Variants in SLC24A3 observed in about 807,000 individuals in gnomAD.
The protein encoded by SLC24A3 is sodium/potassium/calcium exchanger 3.
A neutral mutation model predicts 75.8 loss-of-function variants in SLC24A3; 28 were observed. The ratio of observed to expected loss-of-function variants is 0.37; its 90% CI spans 0.27 to 0.51. The LOEUF (loss-of-function observed/expected upper bound fraction) is 0.51. Ranked by LOEUF, SLC24A3 falls within the 20% of genes least tolerant of loss-of-function variation. The probability of loss-of-function intolerance (pLI) is 0.94; values close to 1 mark genes in which losing one functional copy is unlikely to be tolerated. For missense variants in SLC24A3, 663 were observed against 847.8 expected (o/e 0.78, Z 2.71); for synonymous variants, 372 against 334.1 (o/e 1.11, Z -1.24).
chr20:19,711,105 A>G (rs1600352623), intron 15 of SLC24A3, among the ~76,000 whole-genome samples: 1 of 149,912 alleles, frequency 6.7e-6, no homozygotes, highest in East Asian at 2.0e-4. Context: ...ACATAAACAC[A>G]TGCACACAGG....
intron 2 of SLC24A3, among the ~76,000 whole-genome samples, chr20:19,440,363 G>A (rs867790825): frequency 6.6e-6 from 1 of 152,168 alleles, no homozygotes; most frequent in Non-Finnish European, 1.5e-5. Flanking sequence ...AGACAGCTGG[G>A]GAGAGAGAAT....
chr20:19,452,312 C>T (rs1328057970), intron 2 of SLC24A3, among the ~76,000 whole-genome samples: 2 of 151,548 alleles, frequency 1.3e-5, no homozygotes, highest in African/African-American at 2.4e-5. Context: ...CTAATTATTA[C>T]AACTTGTTAA....
chr20:19,695,158 G>C (rs541815191), intron 13 of SLC24A3, among the ~76,000 whole-genome samples: 3 of 152,276 alleles, frequency 2.0e-5, no homozygotes, highest in African/African-American at 7.2e-5. Flanking sequence ...CATCTCTATG[G>C]ATTTCACTCA....
chr20:19,676,282 C>T (rs749613963), intron 9 of SLC24A3, among the ~76,000 whole-genome samples: 13 of 152,208 alleles, frequency 8.5e-5, no homozygotes, highest in Non-Finnish European at 1.2e-4. Flanking sequence ...ACATCCTCTC[C>T]TCTTCCCCAA....
In SLC24A3 at chr20:19,212,993, A is replaced by G. The variant is rs1981447546; in HGVS notation, c.142+9A>G. ...CCTGCGAGAGCAGAAGGGTGAGTGC[A>G]CGCTGCCTGCCCCGAGTGGGCGCTG... On this transcript the variant is annotated intron_variant, in intron 1 of 16. Coordinates refer to ENST00000328041, the MANE Select transcript of SLC24A3 (RefSeq NM_020689.4). 7.9e-7 allele frequency: 1 copy of G among 1,267,580 alleles called. No individual in the cohort carries two copies. Among genetic ancestry groups the G allele is most frequent in the Non-Finnish European group, 1.0e-6 (1 of 1,004,516 alleles). 78.5% of individuals were successfully genotyped at this position (1,267,580 alleles called of 1,614,324 possible). A position where few individuals can be genotyped will look rare whatever the true frequency, so the allele number is the denominator to read the frequency against.
rs183399641 is a variant in SLC24A3, at chr20:19,335,767, C to T, written c.271+54680C>T. Among the ~76,000 whole-genome samples the T allele has an allele frequency of 1.5e-3, 224 of 152,312 alleles. 4 individuals are homozygous for T. Among genetic ancestry groups the T allele is most frequent in the Non-Finnish European group, 6.9e-4 (47 of 68,024 alleles). Reference sequence around the variant, plus strand: ...ACACCTGTTTCTGAAAAGCATCCTGCATGATCAACAATTCATTTTAAATTG... The same window carrying T: ...ACACCTGTTTCTGAAAAGCATCCTGTATGATCAACAATTCATTTTAAATTG... On this transcript the variant is annotated intron_variant, in intron 2 of 16. Coordinates refer to ENST00000328041, the MANE Select transcript of SLC24A3 (RefSeq NM_020689.4).
At chr20:19,513,047 C>T (rs1221306268) in intron 2 of SLC24A3, among the ~76,000 whole-genome samples, 2 of 152,172 alleles carry the variant, frequency 1.3e-5, no homozygotes, top group Admixed American at 6.5e-5. Context: ...GGAGAGGTGA[C>T]CTTTCAACCC....
intron 6 of SLC24A3, among the ~76,000 whole-genome samples, chr20:19,624,559 A>G (rs1375095644): frequency 6.6e-6 from 1 of 152,170 alleles, no homozygotes; most frequent in Non-Finnish European, 1.5e-5. Flanking sequence ...TACAAAAGGA[A>G]AAGTGAACTA....
chr20:19,245,583 A>G (rs140730055), intron 1 of SLC24A3, among the ~76,000 whole-genome samples: 2 of 152,272 alleles, frequency 1.3e-5, no homozygotes, highest in Admixed American at 6.5e-5. Context: ...TCACAACACA[A>G]AGGCACAAAT....
intron 2 of SLC24A3, among the ~76,000 whole-genome samples, chr20:19,448,094 C>G (rs752267041): frequency 9.8e-5 from 15 of 152,336 alleles, no homozygotes; most frequent in Non-Finnish European, 4.4e-5. Flanking sequence ...GGGAACCCCA[C>G]AGTTCCAGTC....
intron 8 of SLC24A3, 110 bp downstream of exon 8, chr20:19,665,999 T>C (rs2032394948): frequency 2.5e-6 from 3 of 1,223,276 alleles, no homozygotes; most frequent in Non-Finnish European, 3.5e-6. Context: ...CATGACAGCT[T>C]AGAATGAGGA....
intron 6 of SLC24A3, among the ~76,000 whole-genome samples, chr20:19,642,506 A>G (rs1040018790): frequency 2.0e-5 from 3 of 152,052 alleles, no homozygotes; most frequent in Non-Finnish European, 4.4e-5. Context: ...CCCCACACAC[A>G]CCCTAAAATG....
chr20:19,721,211 C>A lies in SLC24A3; in HGVS notation c.*71C>A. ...TACGAGACCCGGCCGCACCCCGAGT[C>A]ACACAGGCCCCCGGGGCCACGGCGT... On this transcript the variant is annotated 3_prime_UTR_variant, in exon 17 of 17. Transcript: ENST00000328041. The A allele has an allele frequency of 1.3e-6, 2 of 1,578,498 alleles. No homozygotes were observed. Among genetic ancestry groups the A allele is most frequent in the South Asian group, 2.3e-5 (2 of 85,972 alleles).
At chr20:19,453,875 G>A (rs897213060) in intron 2 of SLC24A3, among the ~76,000 whole-genome samples, 1 of 152,242 alleles carries the variant, frequency 6.6e-6, no homozygotes, top group African/African-American at 2.4e-5. Context: ...TGGGGGCTTA[G>A]GGTGTTCCCA....
chr20:19,327,674 T>G (rs1984901165), intron 2 of SLC24A3, among the ~76,000 whole-genome samples: 1 of 152,254 alleles, frequency 6.6e-6, no homozygotes, highest in African/African-American at 2.4e-5. Flanking sequence ...TGAGCTTGTC[T>G]GCTCCCAGCC....
At chr20:19,581,995 G>C (rs977597049) in intron 4 of SLC24A3, among the ~76,000 whole-genome samples, 1 of 152,162 alleles carries the variant, frequency 6.6e-6, no homozygotes, top group Non-Finnish European at 1.5e-5. Context: ...TGGGTGCCCC[G>C]TGCCTGTCTC....
intron 2 of SLC24A3, among the ~76,000 whole-genome samples, chr20:19,339,285 A>C (rs913998341): frequency 6.6e-6 from 1 of 151,884 alleles, no homozygotes. Context: ...TTTTTTAGGT[A>C]TCTAGTTTTT....
At chr20:19,702,495 G>A (rs2032885107) in intron 15 of SLC24A3, among the ~76,000 whole-genome samples, 1 of 152,050 alleles carries the variant, frequency 6.6e-6, no homozygotes, top group South Asian at 2.1e-4. Flanking sequence ...AACCACTCTG[G>A]CTTATTATGA....
chr20:19,270,104 G>A (rs562992809), intron 1 of SLC24A3, among the ~76,000 whole-genome samples: 4 of 152,188 alleles, frequency 2.6e-5, no homozygotes, highest in African/African-American at 9.7e-5. Context: ...CATTGCTCCT[G>A]AACTTGCATT....
Sources: allele counts gnomAD v4.1 joint callset (sites outside exome capture counted in the v4.1 genomes callset), GRCh38; gene constraint gnomAD v4.1.1; transcripts MANE v1.5; gene names NCBI Gene and HGNC (gene_info 2026-07-23, HGNC 2026-07-21).